Variants in AOPEP observed in about 807,000 individuals in gnomAD.
AOPEP encodes the protein aminopeptidase O.
In AOPEP, 77 loss-of-function variants were observed where a neutral mutation model predicts 98.1. The observed-to-expected ratio is 0.78, with a 90% CI of 0.65 to 0.95. The LOEUF is 0.95. Ranked by LOEUF, AOPEP falls within the 40% of genes least tolerant of loss-of-function variation. AOPEP has a pLI of 0.00. For synonymous variants in AOPEP, 346 were observed against 365.3 expected (o/e 0.95, Z 0.60); for missense variants, 1,024 against 1,024.7 (o/e 1.00, Z 0.01).
chr9:94,869,846 G>A (rs1173606481), intron 5 of AOPEP, among the ~76,000 whole-genome samples: 1 of 151,946 alleles, frequency 6.6e-6, no homozygotes, highest in Non-Finnish European at 1.5e-5. Flanking sequence ...TTTACAGTTT[G>A]TAATATTAAG....
chr9:95,062,252 A>T (rs2067378328), intron 14 of AOPEP, among the ~76,000 whole-genome samples: 1 of 54,570 alleles, frequency 1.8e-5, no homozygotes, highest in African/African-American at 3.6e-5. Context: ...CTAACGGGGC[A>T]GATCTCTAGT....
intron 7 of AOPEP, among the ~76,000 whole-genome samples, chr9:94,931,352 C>A (rs2055269948): frequency 6.6e-6 from 1 of 152,018 alleles, no homozygotes; most frequent in Non-Finnish European, 1.5e-5. Flanking sequence ...TTAGGCTAAC[C>A]ATGAATTGAC....
chr9:95,072,768 T>C (rs534450041), intron 14 of AOPEP, among the ~76,000 whole-genome samples: 1 of 152,318 alleles, frequency 6.6e-6, no homozygotes, highest in Admixed American at 6.5e-5. Flanking sequence ...AAATTATTGT[T>C]ATATCATAGA....
chr9:94,882,694 T>C (rs888911682), intron 5 of AOPEP, among the ~76,000 whole-genome samples: 3 of 152,232 alleles, frequency 2.0e-5, no homozygotes, highest in African/African-American at 4.8e-5. Flanking sequence ...GAGAATCTCT[T>C]GAACGCAGAA....
intron 5 of AOPEP, 145 bp downstream of exon 5, chr9:94,801,147 C>A: frequency 1.1e-6 from 1 of 927,060 alleles, no homozygotes. Context: ...CTCATTGCTG[C>A]CTTGAGGGAC....
chr9:95,139,065 G>C, the AOPEP span, among the ~76,000 whole-genome samples: 3 of 152,314 alleles, frequency 2.0e-5, no homozygotes, highest in South Asian at 6.2e-4. Flanking sequence ...GTATCATCTT[G>C]ATATGCTTGC....
At chr9:95,068,110 C>G (rs1243063451) in intron 14 of AOPEP, among the ~76,000 whole-genome samples, 1 of 152,188 alleles carries the variant, frequency 6.6e-6, no homozygotes, top group East Asian at 1.9e-4. Flanking sequence ...GGTGTTTCCA[C>G]TTTTAACTAT....
chr9:94,964,122 A>G (rs191767988), intron 9 of AOPEP, among the ~76,000 whole-genome samples: 6 of 152,362 alleles, frequency 3.9e-5, no homozygotes, highest in Non-Finnish European at 5.9e-5. Flanking sequence ...AGACATTCCC[A>G]TAGCCTGTGG....
chr9:94,858,899 G>A (rs1011572694), intron 5 of AOPEP, among the ~76,000 whole-genome samples: 1 of 152,014 alleles, frequency 6.6e-6, no homozygotes, highest in African/African-American at 2.4e-5. Context: ...GTGGTAGCGG[G>A]TGCCTGTAGT....
intron 13 of AOPEP, chr9:95,020,155 TCTC>T (rs1162247983): frequency 6.6e-6 from 1 of 152,182 alleles, no homozygotes; most frequent in Non-Finnish European, 1.5e-5. Context: ...AGAGCCTGGG[TCTC>T]CTCTTGCTTT....
chr9:94,826,370 CAGTG>C (rs1359382272), intron 5 of AOPEP, among the ~76,000 whole-genome samples: 2 of 152,214 alleles, frequency 1.3e-5, no homozygotes, highest in Non-Finnish European at 2.9e-5. Flanking sequence ...TGTTGGGACA[CAGTG>C]AGCAGCACAG....
chr9:95,007,860 A>G (rs1158790476), intron 13 of AOPEP, among the ~76,000 whole-genome samples: 1 of 152,208 alleles, frequency 6.6e-6, no homozygotes, highest in Non-Finnish European at 1.5e-5. Context: ...ATGTGTATTC[A>G]TTCCAAGGTC....
intron 13 of AOPEP, among the ~76,000 whole-genome samples, chr9:95,058,673 C>T (rs1372092409): frequency 6.6e-6 from 1 of 152,120 alleles, no homozygotes; most frequent in Non-Finnish European, 1.5e-5. Flanking sequence ...GGGTACCCCT[C>T]GTGGAGCTGC....
chr9:95,025,412 G>A (rs1046877476), intron 13 of AOPEP, among the ~76,000 whole-genome samples: 2 of 152,192 alleles, frequency 1.3e-5, no homozygotes, highest in African/African-American at 2.4e-5. Context: ...TGCTGGATAC[G>A]GCTCAGTGCC....
the AOPEP span, among the ~76,000 whole-genome samples, chr9:95,121,493 T>C: frequency 6.6e-6 from 1 of 152,232 alleles, no homozygotes; most frequent in Non-Finnish European, 1.5e-5. Context: ...GTTGAACTTT[T>C]GTATTCCAAA....
At chr9:94,945,723 A>G (rs1237497684) in intron 7 of AOPEP, among the ~76,000 whole-genome samples, 1 of 152,192 alleles carries the variant, frequency 6.6e-6, no homozygotes, top group Admixed American at 6.5e-5. Flanking sequence ...AGCACACAGC[A>G]CTGCACATGC....
At chr9:95,101,902 T>C in the AOPEP span, 1 of 1,609,288 alleles carries the variant, frequency 6.2e-7, no homozygotes, top group Non-Finnish European at 8.5e-7. Flanking sequence ...CAGACAGATT[T>C]GTCCTTTGTC....
chr9:95,107,591 A>C, the AOPEP span: 1 of 455,738 alleles, frequency 2.2e-6, no homozygotes, highest in Non-Finnish European at 4.0e-6. Flanking sequence ...GAAAAAGAAC[A>C]AAAGGCTCCT....
intron 5 of AOPEP, among the ~76,000 whole-genome samples, chr9:94,857,611 A>G (rs958712883): frequency 1.3e-5 from 2 of 152,174 alleles, no homozygotes; most frequent in African/African-American, 2.4e-5. Flanking sequence ...TTATATTTCT[A>G]CCTATCTATC....
Sources: allele counts gnomAD v4.1 joint callset (sites outside exome capture counted in the v4.1 genomes callset), GRCh38; gene constraint gnomAD v4.1.1; transcripts MANE v1.5; gene names NCBI Gene and HGNC (gene_info 2026-07-23, HGNC 2026-07-21).